Variants in NALCN observed in about 807,000 individuals in gnomAD.
NALCN encodes the protein sodium leak channel, non-selective, also known as sodium leak channel NALCN.
In NALCN, 111 loss-of-function variants were observed where a neutral mutation model predicts 225.3. That is an observed-to-expected ratio of 0.49 (90% confidence interval 0.42 to 0.58). The LOEUF (loss-of-function observed/expected upper bound fraction) is 0.58. Among genes scored for constraint, NALCN ranks in the 20% least tolerant of loss-of-function variants. NALCN has a pLI of 0.00. For synonymous variants in NALCN, 764 were observed against 769.0 expected (o/e 0.99, Z 0.11); for missense variants, 1,378 against 2,202.4 (o/e 0.63, Z 7.49).
At chr13:101,203,326 C>T (rs560170929) in intron 13 of NALCN, among the ~76,000 whole-genome samples, 1 of 152,288 alleles carries the variant, frequency 6.6e-6, no homozygotes, top group Admixed American at 6.5e-5. Flanking sequence ...AACGATTCTC[C>T]TGCCTCAGTC....
intron 7 of NALCN, among the ~76,000 whole-genome samples, chr13:101,312,162 T>C (rs904206941): frequency 1.3e-5 from 2 of 152,228 alleles, no homozygotes; most frequent in Admixed American, 1.3e-4. Flanking sequence ...GTGTTTGTAA[T>C]ATTCTCTGAT....
chr13:101,227,968 T>C (rs1419457625), intron 13 of NALCN, among the ~76,000 whole-genome samples: 2 of 152,170 alleles, frequency 1.3e-5, no homozygotes, highest in Non-Finnish European at 2.9e-5. Context: ...CCCATAAGCC[T>C]TTCTGGACTT....
At chr13:101,260,040 C>A (rs888560333) in intron 10 of NALCN, among the ~76,000 whole-genome samples, 3 of 151,884 alleles carry the variant, frequency 2.0e-5, no homozygotes, top group Admixed American at 2.0e-4. Flanking sequence ...CCCATCTCAG[C>A]CTCTGGCAAC....
Position 101,413,232 on chromosome 13 carries a change from A to G in NALCN, c.-40+3081T>C, listed in dbSNP as rs949882114. On this transcript the variant is annotated intron_variant, in intron 1 of 43. Transcript: ENST00000251127. ...ATAATTCAGATACTTCTTTTTTCAA[A>G]GACATAATTACTGGAAATTTATCAT... Among the ~76,000 whole-genome samples, 14 of 152,166 alleles carry G rather than the reference A, an allele frequency of 9.2e-5. 1 individual carries two copies. Among genetic ancestry groups the G allele is most frequent in the Admixed American group, 3.3e-4 (5 of 15,284 alleles).
At position 101,112,236 on chromosome 13, in the gene NALCN, T is replaced by C. The variant is rs540655835; in HGVS notation, c.2193-1010A>G. ...GCACACAGTTTTTGGAATTATTACCTACAGAAACCTCAATCTGAAGCTTGC... is the reference window on the plus strand; with the variant it reads ...GCACACAGTTTTTGGAATTATTACCCACAGAAACCTCAATCTGAAGCTTGC... On this transcript the variant is annotated intron_variant, in intron 18 of 43. Transcript: ENST00000251127. Among the ~76,000 whole-genome samples the C allele has an allele frequency of 2.6e-5, 4 of 151,930 alleles. No individual in the cohort carries two copies. The South Asian group carries it at 6.2e-4, about 24-fold the overall frequency.
chr13:101,269,466 C>G (rs1359728071), intron 10 of NALCN, among the ~76,000 whole-genome samples: 1 of 152,082 alleles, frequency 6.6e-6, no homozygotes, highest in Non-Finnish European at 1.5e-5. Flanking sequence ...TTAACTGGAC[C>G]ATGAGCCAGG....
At chr13:101,060,281 T>TTTTTTTTTG (rs2031775939) in intron 41 of NALCN, among the ~76,000 whole-genome samples, 1 of 137,690 alleles carries the variant, frequency 7.3e-6, no homozygotes, top group Non-Finnish European at 1.6e-5. Context: ...TTCTGTTTTT[T>TTTTTTTTTG]TTTTTTTTTT....
chr13:101,411,770 A>G (rs1224496792), intron 1 of NALCN, among the ~76,000 whole-genome samples: 4 of 152,186 alleles, frequency 2.6e-5, no homozygotes, highest in Non-Finnish European at 4.4e-5. Context: ...TTTCTCATTT[A>G]ATCAAACAAT....
chr13:101,080,892 C>A (rs948909230), intron 34 of NALCN, among the ~76,000 whole-genome samples: 2 of 151,708 alleles, frequency 1.3e-5, no homozygotes, highest in Non-Finnish European at 2.9e-5. Context: ...GACAATATGG[C>A]CCTAGATTAC....
At chr13:101,229,640 A>G in intron 12 of NALCN, 56 bp from the exon 13 acceptor site, 1 of 1,316,264 alleles carries the variant, frequency 7.6e-7, no homozygotes, top group Non-Finnish European at 1.0e-6. Flanking sequence ...TTTACACTGA[A>G]TCTTAAATAT....
chr13:101,184,896 A>AT (rs529414393), intron 14 of NALCN, among the ~76,000 whole-genome samples: 1 of 151,916 alleles, frequency 6.6e-6, no homozygotes. Context: ...TAATTTTATG[A>AT]TTTTTTTCCT....
intron 13 of NALCN, among the ~76,000 whole-genome samples, chr13:101,213,912 A>T (rs1353839027): frequency 6.6e-6 from 1 of 152,220 alleles, no homozygotes; most frequent in Non-Finnish European, 1.5e-5. Context: ...AGAACTAGAA[A>T]TACCATTTGA....
chr13:101,101,004 T>C lies in NALCN; in HGVS notation c.3058-116A>G, dbSNP rs576652615. 3.7e-5 allele frequency: 30 copies of C among 818,170 alleles called. No individual in the cohort carries two copies. In the African/African-American group the frequency reaches 5.2e-4, roughly 14 times the overall value. The allele number at this position is 818,170 out of a possible 1,614,324, so 50.7% of individuals were successfully genotyped here. On this transcript the variant is annotated intron_variant, in intron 26 of 43. Transcript: ENST00000251127. ...AACATTGTATAAAAATCATGGGTTT[T>C]TGATGATATATTTTAACTTCTCCAC...
chr13:101,137,856 C>G (rs998613191), intron 17 of NALCN, among the ~76,000 whole-genome samples: 3 of 152,164 alleles, frequency 2.0e-5, no homozygotes, highest in African/African-American at 7.2e-5. Flanking sequence ...TATGCTAGCC[C>G]AGGTGCAATG....
chr13:101,263,568 C>G (rs988409469), intron 10 of NALCN, among the ~76,000 whole-genome samples: 1 of 152,148 alleles, frequency 6.6e-6, no homozygotes, highest in African/African-American at 2.4e-5. Context: ...CCAAACAAAG[C>G]TTTTAGCCAT....
intron 7 of NALCN, among the ~76,000 whole-genome samples, chr13:101,328,156 G>T (rs8001797): frequency 6.6e-6 from 1 of 152,034 alleles, no homozygotes; most frequent in Non-Finnish European, 1.5e-5. Flanking sequence ...AGGACATAGC[G>T]TCTCAGCTTA....
At position 101,089,948 on chromosome 13, in the gene NALCN, A is replaced by G; in HGVS notation, c.3288T>C (p.Phe1096=). The G allele has an allele frequency of 6.2e-7, 1 of 1,614,000 alleles. No homozygotes were observed. The highest frequency in any genetic ancestry group is 1.1e-5 in the South Asian group (1 of 91,084). ...VPRVWANPRN[F]NFDNVGNAML... The stretch of plus-strand genomic sequence containing the variant: ...TAGCGTTTCCCACATTGTCGAAATT[A>G]AAGTTCCGAGGATTCGCCCTGCGAT... The change falls in exon 29 of 44, where the codon TTT becomes TTC. Residue 1096 remains phenylalanine, a synonymous_variant. Transcript: ENST00000251127. This position sits in a 1 kb window ranked among gnomAD's most constrained non-coding sequence, Gnocchi z 4.7.
intron 18 of NALCN, among the ~76,000 whole-genome samples, chr13:101,120,564 G>T (rs554897495): frequency 6.6e-6 from 1 of 150,464 alleles, no homozygotes; most frequent in African/African-American, 2.4e-5. Context: ...GTATTTGTTT[G>T]TTAAAGGTAA....
intron 42 of NALCN, 121 bp from the exon 43 acceptor site, chr13:101,058,177 T>C (rs1161515073): frequency 1.0e-5 from 8 of 783,286 alleles, no homozygotes; most frequent in Non-Finnish European, 1.6e-5. Context: ...GGACTCAGAG[T>C]GTCCACAATG....
Sources: gnomAD v4.1 joint callset for allele counts (sites outside exome capture counted in the v4.1 genomes callset) on GRCh38, gnomAD v4.1.1 for gene constraint, Gnocchi (gnomAD v3.1) non-coding constraint, MANE v1.5 for transcripts, NCBI Gene and HGNC (gene_info 2026-07-23, HGNC 2026-07-21) for gene names.